TRPM8: variants seen among roughly 807,000 people sequenced by gnomAD.
The protein encoded by TRPM8 is TRPM8 cationic channel.
TRPM8 carries 110 observed loss-of-function variants against 133.7 expected under a neutral mutation model. The ratio of observed to expected loss-of-function variants is 0.82; its 90% CI spans 0.70 to 0.96. TRPM8 has a LOEUF of 0.96. Among genes scored for constraint, TRPM8 ranks in the 40% least tolerant of loss-of-function variants. TRPM8 has a pLI of 0.00. For missense variants in TRPM8, 1,291 were observed against 1,379.5 expected, an observed-to-expected ratio of 0.94 and a Z score of 1.02; for synonymous variants, 535 against 532.3, an observed-to-expected ratio of 1.01 and a Z score of -0.07.
At chr2:233,993,438 A>C (rs1052432392) in intron 21 of TRPM8, among the ~76,000 whole-genome samples, 2 of 152,216 alleles carry the variant, frequency 1.3e-5, no homozygotes, top group African/African-American at 2.4e-5. Context: ...CTCAGGGATC[A>C]CAGACTTTCT....
Position 233,966,635 on chromosome 2 carries a change from C to A in TRPM8, c.1905C>A (p.Ser635Arg). ...AVELFTECYS[S>R]DEDLAEQLLV... ...AGCTGTTCACTGAGTGTTACAGCAG[C>A]GATGAAGACTTGGCAGAACAGCTGC... is the stretch of plus-strand genomic sequence containing the variant. The change falls in exon 15 of 26, where the codon AGC becomes AGA. Residue 635 changes from serine (S) to arginine (R), a missense_variant. Physicochemically the swap from Ser to Arg is moderately radical, Grantham distance 110. This residue lies in a region of TRPM8 where 963 missense variants were observed against 968.9 expected (regional missense o/e 0.99). Coordinates refer to ENST00000324695, the MANE Select transcript of TRPM8 (RefSeq NM_024080.5). 1 of 1,614,038 alleles carries A rather than the reference C, an allele frequency of 6.2e-7. No homozygotes were observed. The highest frequency in any genetic ancestry group is 1.3e-5 in the African/African-American group (1 of 75,002).
chr2:233,985,955 C>A, intron 21 of TRPM8, 90 bp downstream of exon 21: 4 of 1,236,010 alleles, frequency 3.2e-6, no homozygotes, highest in Non-Finnish European at 4.6e-6. Flanking sequence ...AAAGGTCCCA[C>A]CCTTGAGGAA....
intron 5 of TRPM8, among the ~76,000 whole-genome samples, chr2:233,940,626 A>G (rs1174696950): frequency 1.3e-5 from 2 of 152,242 alleles, no homozygotes; most frequent in African/African-American, 4.8e-5. Flanking sequence ...CTAGTTGTCC[A>G]CTTGGAGTGC....
In TRPM8 at chr2:233,927,940, C is replaced by CTT. The variant is rs1215597449; in HGVS notation, c.117+1287_117+1288insTT. 2.2e-4 allele frequency among the ~76,000 whole-genome samples: 14 copies of CTT among 64,028 alleles called. 1 individual carries two copies. Among genetic ancestry groups the CTT allele is most frequent in the African/African-American group, 1.7e-3 (14 of 8,398 alleles). 42.0% of individuals were successfully genotyped at this position (64,028 alleles called of 152,430 possible). A position where few individuals can be genotyped will look rare whatever the true frequency, so the allele number is the denominator to read the frequency against. Reference sequence around the variant, plus strand: ...TCTCTCTCTTTCTCTCTCTCTCTCTCTCTCTCTCTCTCTCTCTCTCTTTCT... The same window carrying CTT: ...TCTCTCTCTTTCTCTCTCTCTCTCTCTTTCTCTCTCTCTCTCTCTCTCTTTCT... On this transcript the variant is annotated intron_variant, in intron 2 of 25. Transcript: ENST00000324695.
chr2:233,942,753 C>T lies in TRPM8; in HGVS notation c.699+5C>T, dbSNP rs200891977. 245 of 1,613,780 alleles carry T rather than the reference C, an allele frequency of 1.5e-4. No individual in the cohort carries two copies. Among genetic ancestry groups the T allele is most frequent in the African/African-American group, 2.9e-4 (22 of 74,898 alleles). On this transcript the variant is annotated splice_donor_5th_base_variant and intron_variant, in intron 6 of 25. Transcript: ENST00000324695. ...ATCAGGAATTGCGATGCTGAGGTAC[C>T]GGTGGGACAGGAGGAGGTCTGCTAG...
intron 24 of TRPM8, among the ~76,000 whole-genome samples, chr2:234,012,908 T>C (rs1692877834): frequency 6.6e-6 from 1 of 152,182 alleles, no homozygotes; most frequent in Non-Finnish European, 1.5e-5. Flanking sequence ...TCTGTTAATG[T>C]AGTGTATCAC....
At chr2:234,000,307 C>T (rs1574781013) in intron 22 of TRPM8, among the ~76,000 whole-genome samples, 1 of 152,092 alleles carries the variant, frequency 6.6e-6, no homozygotes, top group Non-Finnish European at 1.5e-5. Flanking sequence ...GATGGGGTTT[C>T]ACTATGTTGG....
At chr2:233,946,091 A>G in intron 7 of TRPM8, 61 bp downstream of exon 7, 1 of 1,505,526 alleles carries the variant, frequency 6.6e-7, no homozygotes, top group Non-Finnish European at 9.2e-7. Context: ...CACAGCATCA[A>G]CAACAATCAC....
intron 2 of TRPM8, among the ~76,000 whole-genome samples, 163 bp from the exon 3 acceptor site, chr2:233,930,505 A>T (rs372474337): frequency 2.5e-4 from 38 of 152,366 alleles, no homozygotes; most frequent in African/African-American, 8.9e-4. Context: ...CTTTAAAAAA[A>T]ATTTTGTATA....
Position 233,938,988 on chromosome 2 carries a change from C to T in TRPM8, c.349-10C>T. 1 of 1,613,972 alleles carries T rather than the reference C, an allele frequency of 6.2e-7. No individual in the cohort carries two copies. Among genetic ancestry groups the T allele is most frequent in the Non-Finnish European group, 8.5e-7 (1 of 1,179,910 alleles). ...GGCCTATCCTGATACTTCTGCTTCT[C>T]TCCCCATAGTATATACGTCTGTCCT... On this transcript the variant is annotated splice_polypyrimidine_tract_variant and intron_variant, in intron 4 of 25. Coordinates refer to ENST00000324695, the MANE Select transcript of TRPM8 (RefSeq NM_024080.5).
rs558019994 is a variant in TRPM8, at chr2:233,960,973, C to T, written c.1560C>T (p.Leu520=). 5 of 1,614,152 alleles carry T rather than the reference C, an allele frequency of 3.1e-6. No homozygotes were observed. The highest frequency in any genetic ancestry group is 1.7e-5 in the Admixed American group (1 of 60,018). ...CCAAGAATTCCTATAATGATGCCCT[C>T]CTCACGTTTGTCTGGAAACTGGTTG... ...QIAKNSYNDA[L]LTFVWKLVAN... Residue 520 remains leucine, a synonymous_variant, in exon 12 of 26, where the codon CTC becomes CTT. Transcript: ENST00000324695.
chr2:233,994,689 CA>C (rs1275194042), intron 21 of TRPM8, among the ~76,000 whole-genome samples: 1 of 152,092 alleles, frequency 6.6e-6, no homozygotes, highest in African/African-American at 2.4e-5. Flanking sequence ...AGGTATCCGA[CA>C]TTTTTTTTTG....
At chr2:233,952,825 CCTT>C (rs1333619655) in intron 9 of TRPM8, among the ~76,000 whole-genome samples, 1 of 151,964 alleles carries the variant, frequency 6.6e-6, no homozygotes, top group Non-Finnish European at 1.5e-5. Context: ...ATATTCATTT[CCTT>C]CTTCTTCCTT....
chr2:233,969,304 C>A (rs1299644207), intron 15 of TRPM8, among the ~76,000 whole-genome samples: 22 of 149,888 alleles, frequency 1.5e-4, no homozygotes, highest in Non-Finnish European at 2.7e-4. Context: ...ATGGAGAAAT[C>A]CCGTCACTAC....
At chr2:233,957,511 A>C (rs1384987768) in intron 11 of TRPM8, among the ~76,000 whole-genome samples, 2 of 152,124 alleles carry the variant, frequency 1.3e-5, no homozygotes, top group South Asian at 2.1e-4. Flanking sequence ...CACACACAAA[A>C]AAAACCCAAA....
At chr2:233,953,797 G>A in intron 9 of TRPM8, 120 bp from the exon 10 acceptor site, 1 of 650,198 alleles carries the variant, frequency 1.5e-6, no homozygotes, top group South Asian at 2.0e-5. Flanking sequence ...GAAATGAGAA[G>A]CTGATCCGGA....
intron 22 of TRPM8, among the ~76,000 whole-genome samples, chr2:234,001,254 G>A (rs1404486494): frequency 1.3e-5 from 2 of 152,086 alleles, no homozygotes; most frequent in Non-Finnish European, 2.9e-5. Context: ...CTGGGGAGAG[G>A]GGCAGGAAAA....
chr2:234,004,819 G>T (rs1194749871), intron 22 of TRPM8, among the ~76,000 whole-genome samples: 1 of 152,056 alleles, frequency 6.6e-6, no homozygotes, highest in Non-Finnish European at 1.5e-5. Context: ...ATTTTTGTGT[G>T]GGTGTATAGT....
Position 233,942,646 on chromosome 2 carries a change from C to T in TRPM8, c.597C>T (p.Asn199=), listed in dbSNP as rs779323634. The T allele has an allele frequency of 4.3e-6, 7 of 1,614,090 alleles. No individual in the cohort carries two copies. The South Asian group carries it at 7.7e-5, about 18-fold the overall frequency. Residue 199 remains asparagine, a synonymous_variant, in exon 6 of 26, where the codon AAC becomes AAT. Coordinates refer to ENST00000324695, the MANE Select transcript of TRPM8 (RefSeq NM_024080.5). ...ACATCGGGGAGGTGGTGAGAGATAACACCATCAGCAGGAGTTCAGAGGAGA... is the reference window on the plus strand; with the variant it reads ...ACATCGGGGAGGTGGTGAGAGATAATACCATCAGCAGGAGTTCAGAGGAGA... ...MKYIGEVVRD[N]TISRSSEENI...
Sources: gnomAD v4.1 joint callset for allele counts (sites outside exome capture counted in the v4.1 genomes callset) on GRCh38, gnomAD v4.1.1 for gene constraint, gnomAD v4.1.1 regional missense constraint, MANE v1.5 for transcripts, NCBI Gene and HGNC (gene_info 2026-07-23, HGNC 2026-07-21) for gene names.